PCDHA2: variants seen among roughly 807,000 people sequenced by gnomAD.
PCDHA2 encodes the protein protocadherin alpha-2.
A neutral mutation model predicts 66.0 loss-of-function variants in PCDHA2; 58 were observed. The observed-to-expected ratio is 0.88, with a 90% CI of 0.71 to 1.09. PCDHA2 has a LOEUF of 1.09. PCDHA2 is among the 50% of genes least tolerant of loss of function. PCDHA2 has a pLI of 0.00. For synonymous variants in PCDHA2, 634 were observed against 554.0 expected (o/e 1.14, Z -2.03); for missense variants, 1,267 against 1,242.3 (o/e 1.02, Z -0.30).
At chr5:140,836,835 C>T (rs1774769816) in intron 1 of PCDHA2, 2 of 878,888 alleles carry the variant, frequency 2.3e-6, no homozygotes, top group Non-Finnish European at 1.7e-6. Flanking sequence ...TAGTTGATAG[C>T]TTTATGTATA....
chr5:140,883,004 G>A (rs1554176457), intron 1 of PCDHA2: 1 of 1,614,118 alleles, frequency 6.2e-7, no homozygotes, highest in East Asian at 2.2e-5. Flanking sequence ...TTACCAATCC[G>A]TTTATAAAGT....
rs1562298867 is a variant in PCDHA2, at chr5:140,828,664, A to C, written c.2388+31312A>C. On this transcript the variant is annotated intron_variant, in intron 1 of 3. Coordinates refer to ENST00000526136, the MANE Select transcript of PCDHA2 (RefSeq NM_018905.3). ...AAATAAACAGTGATGACAATAAACAAATTGGGCTCTTATTAAAGAAATCCT... is the reference window on the plus strand; with the variant it reads ...AAATAAACAGTGATGACAATAAACACATTGGGCTCTTATTAAAGAAATCCT... 1 of 1,614,094 alleles carries C rather than the reference A, an allele frequency of 6.2e-7. No homozygotes were observed. The highest frequency in any genetic ancestry group is 1.7e-5 in the Admixed American group (1 of 60,008).
Position 140,831,520 on chromosome 5 carries a change from CT to C in PCDHA2, c.2388+34192del, listed in dbSNP as rs2150195630. On this transcript the variant is annotated intron_variant, in intron 1 of 3. Coordinates refer to ENST00000526136, the MANE Select transcript of PCDHA2 (RefSeq NM_018905.3). ...ACACGAGCACCACCATGCCCCCCAC[CT>C]TTTTTTTTTTTTTTTTTTTTTTTAA... Among the ~76,000 whole-genome samples the C allele has an allele frequency of 5.3e-3, 643 of 122,360 alleles. 1 individual carries two copies. The highest frequency in any genetic ancestry group is 0.013 in the Middle Eastern group (3 of 240). The allele number at this position is 122,360 out of a possible 152,430, so 80.3% of individuals were successfully genotyped here. A position where few individuals can be genotyped will look rare whatever the true frequency, so the allele number is the denominator to read the frequency against.
intron 1 of PCDHA2, among the ~76,000 whole-genome samples, chr5:140,838,073 ATATAGTGTGTGTGTGT>A (rs2150282806): frequency 2.4e-4 from 30 of 126,834 alleles, no homozygotes; most frequent in Admixed American, 8.6e-4. Flanking sequence ...AGTTATATAT[ATATAGTGTGTGTGTGT>A]GTGTGTGTGT....
intron 1 of PCDHA2, among the ~76,000 whole-genome samples, chr5:140,915,401 A>G (rs536178543): frequency 1.3e-5 from 2 of 152,300 alleles, no homozygotes; most frequent in African/African-American, 4.8e-5. Flanking sequence ...TATTTCTTAT[A>G]GTCTTTGCAG....
At chr5:140,806,367 A>C (rs1369952326) in intron 1 of PCDHA2, among the ~76,000 whole-genome samples, 3 of 152,242 alleles carry the variant, frequency 2.0e-5, no homozygotes, top group African/African-American at 7.2e-5. Context: ...TAAGAGTCAA[A>C]ATGAGAATAC....
rs2150182871 is a variant in PCDHA2 at position 140,830,216 on chromosome 5, A to G, written c.2388+32864A>G. ...GATCATCGCCATCTGCGCGGTATCC[A>G]GCCTGCTGGTCCTCACGCTACTGCT... is the stretch of plus-strand genomic sequence containing the variant. On this transcript the variant is annotated intron_variant, in intron 1 of 3. Transcript: ENST00000526136. 72 of 1,613,860 alleles carry G rather than the reference A, an allele frequency of 4.5e-5. No homozygotes were observed. The South Asian group carries it at 7.4e-4, about 16-fold the overall frequency.
At chr5:140,876,061 C>T (rs782151232) in intron 1 of PCDHA2, 17 of 1,613,778 alleles carry the variant, frequency 1.1e-5, no homozygotes, top group African/African-American at 1.3e-5. Context: ...ATTAGTTCTT[C>T]GGAAGTTATT....
chr5:140,830,137 G>A (rs2150181719), intron 1 of PCDHA2: 44 of 1,613,174 alleles, frequency 2.7e-5, no homozygotes, highest in African/African-American at 1.2e-4. Flanking sequence ...CATCACGGGC[G>A]TCGGTGGGCG....
chr5:140,795,948 T>C lies in PCDHA2; in HGVS notation c.984T>C (p.Pro328=). 1 of 1,614,096 alleles carries C rather than the reference T, an allele frequency of 6.2e-7. No individual in the cohort carries two copies. Among genetic ancestry groups the C allele is most frequent in the East Asian group, 2.2e-5 (1 of 44,890 alleles). Residue 328 remains proline, a synonymous_variant, in exon 1 of 4, where the codon CCT becomes CCC. Transcript: ENST00000526136. ...IQVTATDKGT[P]SMSGHCKISL... Reference sequence around the variant, plus strand: ...TCACTGCAACTGACAAAGGAACCCCTTCAATGTCAGGACATTGTAAAATTT... The same window carrying C: ...TCACTGCAACTGACAAAGGAACCCCCTCAATGTCAGGACATTGTAAAATTT...
rs1465099022 is a variant in PCDHA2 at position 140,850,419 on chromosome 5, G to T, written c.2388+53067G>T. 7.5e-6 allele frequency: 12 copies of T among 1,597,838 alleles called. 2 individuals carry two copies. Among genetic ancestry groups the T allele is most frequent in the Non-Finnish European group, 9.4e-6 (11 of 1,167,742 alleles). On this transcript the variant is annotated intron_variant, in intron 1 of 3. Coordinates refer to ENST00000526136, the MANE Select transcript of PCDHA2 (RefSeq NM_018905.3). ...AACGCGTGCCCTGGACGAAACGGAC[G>T]CACCGCGCCAGCGCCTACTGGTGCT...
At chr5:140,974,040 T>C (rs1554235767) in intron 1 of PCDHA2, among the ~76,000 whole-genome samples, 2 of 152,260 alleles carry the variant, frequency 1.3e-5, no homozygotes, top group African/African-American at 4.8e-5. Context: ...TTTAGCTTAT[T>C]AATATGATAA....
At chr5:140,870,388 G>A (rs1487402100) in intron 1 of PCDHA2, 5 of 1,614,232 alleles carry the variant, frequency 3.1e-6, no homozygotes, top group Non-Finnish European at 4.2e-6. Context: ...TGCGCGGGAT[G>A]GGGGTTCGCC....
At chr5:140,820,790 A>G (rs1554127920) in intron 1 of PCDHA2, among the ~76,000 whole-genome samples, 1 of 152,128 alleles carries the variant, frequency 6.6e-6, no homozygotes, top group African/African-American at 2.4e-5. Context: ...ATGTAAGTAC[A>G]AAGGTATGTA....
In PCDHA2 at chr5:140,842,325, C is replaced by G. The variant is rs2150334161; in HGVS notation, c.2388+44973C>G. On this transcript the variant is annotated intron_variant, in intron 1 of 3. Coordinates refer to ENST00000526136, the MANE Select transcript of PCDHA2 (RefSeq NM_018905.3). ...CATCCTCCCATGGCGGGTCATTGCA[C>G]CGTTTTAGTGAGAATTTTGGATAAA... 1.9e-5 allele frequency: 31 copies of G among 1,606,978 alleles called. No individual in the cohort carries two copies. In the South Asian group the frequency reaches 3.1e-4, roughly 16 times the overall value.
chr5:141,010,321 G>A lies in PCDHA2; in HGVS notation c.*384G>A. The A allele has an allele frequency of 1.3e-6, 2 of 1,541,244 alleles. No individual in the cohort carries two copies. Among genetic ancestry groups the A allele is most frequent in the South Asian group, 1.2e-5 (1 of 82,726 alleles). On this transcript the variant is annotated 3_prime_UTR_variant, in exon 4 of 4. Transcript: ENST00000526136. ...GGCTGAAAAGTTTTGAGATTGAGCA[G>A]CTTGGGAGTTTGTGGCCACTGGGTA...
rs1193059751 is a variant in PCDHA2 at position 140,857,644 on chromosome 5, C to G, written c.2388+60292C>G. ...ACGAGGAGCTGGAGCTGCTACAGTT[C>G]CAGGTGAGCGCGCGCGATGGGGGCG... On this transcript the variant is annotated intron_variant, in intron 1 of 3. Coordinates refer to ENST00000526136, the MANE Select transcript of PCDHA2 (RefSeq NM_018905.3). 9 of 1,596,322 alleles carry G rather than the reference C, an allele frequency of 5.6e-6. 1 individual carries two copies. Among genetic ancestry groups the G allele is most frequent in the Non-Finnish European group, 7.7e-6 (9 of 1,167,662 alleles).
intron 1 of PCDHA2, among the ~76,000 whole-genome samples, chr5:140,891,039 A>AC (rs143686625): frequency 6.6e-6 from 1 of 152,040 alleles, no homozygotes; most frequent in East Asian, 1.9e-4. Flanking sequence ...CTTAGGTGTG[A>AC]CCCCCACAGC....
chr5:140,839,429 G>A (rs1462017919), intron 1 of PCDHA2, among the ~76,000 whole-genome samples: 4 of 151,864 alleles, frequency 2.6e-5, no homozygotes, highest in Non-Finnish European at 4.4e-5. Context: ...TCACTCTGTA[G>A]CCCAGACTGC....
Sources: gnomAD v4.1 joint callset for allele counts (sites outside exome capture counted in the v4.1 genomes callset) on GRCh38, gnomAD v4.1.1 for gene constraint, MANE v1.5 for transcripts, NCBI Gene and HGNC (gene_info 2026-07-23, HGNC 2026-07-21) for gene names.